The following ZSCAN30 variants were observed in gnomAD, a reference collection of about 807,000 sequenced individuals.
ZSCAN30 encodes zinc finger and SCAN domain containing 30, also known as zinc finger and SCAN domain-containing protein 30.
Under a neutral mutation model 44.3 loss-of-function variants are expected in ZSCAN30, and 37 were observed. The observed-to-expected ratio is 0.84, with a 90% confidence interval of 0.64 to 1.10. ZSCAN30 has a LOEUF of 1.10. Ranked by LOEUF, ZSCAN30 falls within the 50% of genes least tolerant of loss-of-function variation. The pLI is 0.00. For missense variants in ZSCAN30, 549 were observed against 582.6 expected, an observed-to-expected ratio of 0.94 and a Z score of 0.59; for synonymous variants, 181 against 204.6, an observed-to-expected ratio of 0.88 and a Z score of 0.98.
Position 35,283,729 on chromosome 18 carries a change from G to C in ZSCAN30, c.-104+6355C>G, listed in dbSNP as rs1312464327. 6 of 152,544 alleles carry C rather than the reference G, an allele frequency of 3.9e-5. No individual in the cohort carries two copies. In the East Asian group the frequency reaches 1.2e-3, roughly 29 times the overall value. 9.4% of individuals were successfully genotyped at this position (152,544 alleles called of 1,614,324 possible). A position where few individuals can be genotyped will look rare whatever the true frequency, so the allele number is the denominator to read the frequency against. On this transcript the variant is annotated intron_variant, in intron 1 of 3. Transcript: ENST00000333206. ...CTCCAGGAAATGCAGGGCCCCAACGGGAGTCACAATCCTGGCTCAGGGAGC... is the reference window on the plus strand; with the variant it reads ...CTCCAGGAAATGCAGGGCCCCAACGCGAGTCACAATCCTGGCTCAGGGAGC...
At position 35,253,877 on chromosome 18, in the gene ZSCAN30, C is replaced by T. The variant is rs763531067; in HGVS notation, c.1058G>A (p.Gly353Asp). 5 of 1,614,020 alleles carry T rather than the reference C, an allele frequency of 3.1e-6. No individual in the cohort carries two copies. The South Asian group carries it at 4.4e-5, about 14-fold the overall frequency. The change falls in exon 4 of 4, where the codon GGT becomes GAT. Residue 353 changes from glycine (G) to aspartate (D), a missense_variant. Physicochemically the swap from Gly to Asp is moderately conservative, Grantham distance 94. Coordinates refer to ENST00000333206, the MANE Select transcript of ZSCAN30 (RefSeq NM_001112734.4). ...DLVRHQRIHS[G>D]EKPYECCECG... ...TTCACAACATTCATAGGGTTTTTCA[C>T]CACTATGAATTCTCTGATGTCTAAC...
chr18:35,266,603 T>C (rs1301062359), intron 1 of ZSCAN30: 2 of 151,668 alleles, frequency 1.3e-5, no homozygotes, highest in Admixed American at 1.3e-4. Flanking sequence ...TGCCAGGTAT[T>C]AATAGATTTT....
intron 3 of ZSCAN30, chr18:35,261,249 T>G (rs866164980): frequency 6.6e-6 from 1 of 152,178 alleles, no homozygotes; most frequent in Non-Finnish European, 1.5e-5. Context: ...GTTTGGGTTA[T>G]AGTAGCCTTG....
At chr18:35,257,299 A>G (rs2043863729) in intron 3 of ZSCAN30, 1 of 152,546 alleles carries the variant, frequency 6.6e-6, no homozygotes, top group Admixed American at 6.5e-5. Flanking sequence ...CTTTACCAAT[A>G]TGATGCCTCC....
In ZSCAN30 at chr18:35,252,176, G is replaced by C. The variant is rs2143636283; in HGVS notation, c.*1274C>G. 2 of 152,272 alleles carry C rather than the reference G, an allele frequency of 1.3e-5. 1 individual carries two copies. The highest frequency in any genetic ancestry group is 4.1e-4 in the South Asian group (2 of 4,820). 9.4% of individuals were successfully genotyped at this position (152,272 alleles called of 1,614,324 possible). A position where few individuals can be genotyped will look rare whatever the true frequency, so the allele number is the denominator to read the frequency against. ...TCCTACTTATAATCACTGAGTTGGG[G>C]AGCCTATTCTAGACCCAGAATGACC... On this transcript the variant is annotated 3_prime_UTR_variant, in exon 4 of 4. Transcript: ENST00000333206.
chr18:35,256,395 A>G (rs940506948), intron 3 of ZSCAN30: 1 of 152,084 alleles, frequency 6.6e-6, no homozygotes, highest in Non-Finnish European at 1.5e-5. Context: ...CCCCATCTCT[A>G]CTAAAAGTAT....
At chr18:35,270,786 G>A (rs990144005) in intron 1 of ZSCAN30, among the ~76,000 whole-genome samples, 1 of 152,204 alleles carries the variant, frequency 6.6e-6, no homozygotes, top group African/African-American at 2.4e-5. Context: ...CAAGAATAAA[G>A]CCGCGGACCC....
At position 35,254,228 on chromosome 18, in the gene ZSCAN30, T is replaced by C; in HGVS notation, c.707A>G (p.Lys236Arg). ...CCCTGCAGCATTTCCCTTTTGCTTC[T>C]TAGAGTTGTCCAGACCTCCCAAAGC... Reference protein sequence around the residue: ...EEALGGLDNSKKQKGNAAGNK... With the variant: ...EEALGGLDNSRKQKGNAAGNK... Residue 236 changes from lysine to arginine, a missense_variant, in exon 4 of 4, where the codon AAG (lysine) becomes AGG (arginine). By Grantham distance (26) the Lys-to-Arg change is conservative. Transcript: ENST00000333206. The C allele has an allele frequency of 6.2e-7, 1 of 1,614,180 alleles. No individual in the cohort carries two copies. Among genetic ancestry groups the C allele is most frequent in the South Asian group, 1.1e-5 (1 of 91,086 alleles).
chr18:35,274,436 G>A (rs1356080724), intron 1 of ZSCAN30, among the ~76,000 whole-genome samples: 1 of 152,216 alleles, frequency 6.6e-6, no homozygotes, highest in South Asian at 2.1e-4. Context: ...TAGGTATTGA[G>A]ATTTTTCTGG....
At chr18:35,275,872 T>G (rs572223886) in intron 1 of ZSCAN30, among the ~76,000 whole-genome samples, 24 of 152,358 alleles carry the variant, frequency 1.6e-4, no homozygotes, top group African/African-American at 5.8e-4. Flanking sequence ...CTCATACTGG[T>G]TCTCTTCAAC....
In ZSCAN30 at chr18:35,264,231, G is replaced by C. The variant is rs140077066; in HGVS notation, c.122C>G (p.Pro41Arg). 4.1e-4 allele frequency: 663 copies of C among 1,614,168 alleles called. 2 individuals carry two copies. In the East Asian group the frequency reaches 0.013, roughly 32 times the overall value. Residue 41 changes from proline to arginine, a missense_variant, in exon 2 of 4, where the codon CCC becomes CGC. Coordinates refer to ENST00000333206, the MANE Select transcript of ZSCAN30 (RefSeq NM_001112734.4). ...LDQDFGLQEN[P>R]WSQEVFRQKF... ...CTGCCGGAATACCTCTTGGCTCCAGGGGTTTTCCTGAAGGCCAAAGTCCTG... is the reference window on the plus strand; with the variant it reads ...CTGCCGGAATACCTCTTGGCTCCAGCGGTTTTCCTGAAGGCCAAAGTCCTG...
intron 1 of ZSCAN30, among the ~76,000 whole-genome samples, chr18:35,280,460 T>C (rs1047326735): frequency 2.6e-5 from 4 of 152,018 alleles, no homozygotes; most frequent in Admixed American, 2.0e-4. Context: ...ATTTAACAGA[T>C]AAAGATTTTT....
At chr18:35,288,319 A>T (rs535855382) in intron 1 of ZSCAN30, among the ~76,000 whole-genome samples, 31 of 152,354 alleles carry the variant, frequency 2.0e-4, no homozygotes, top group African/African-American at 7.5e-4. Flanking sequence ...GCAAATTGAA[A>T]CCACAGTGAG....
Position 35,264,005 on chromosome 18 carries a change from T to C in ZSCAN30, c.348A>G (p.Gly116=), listed in dbSNP as rs1569071411. 2.5e-6 allele frequency: 4 copies of C among 1,614,208 alleles called. No homozygotes were observed. The highest frequency in any genetic ancestry group is 3.4e-6 in the Non-Finnish European group (4 of 1,180,034). ...CCTCCAGCATAGTCACAGCTTCCTCTCCATTCTCTGGCCGATGCTCTCGCA... is the reference window on the plus strand; with the variant it reads ...CCTCCAGCATAGTCACAGCTTCCTCCCCATTCTCTGGCCGATGCTCTCGCA... ...AWLREHRPEN[G]EEAVTMLEEL... is the part of the protein sequence containing the mutation. The change falls in exon 2 of 4, where the codon GGA becomes GGG. Residue 116 remains glycine, a synonymous_variant. Transcript: ENST00000333206.
At chr18:35,278,380 C>T (rs1442095878) in intron 1 of ZSCAN30, among the ~76,000 whole-genome samples, 1 of 152,212 alleles carries the variant, frequency 6.6e-6, no homozygotes. Flanking sequence ...TTCATCCTGT[C>T]TCTGTCCTCT....
Position 35,264,237 on chromosome 18 carries a change from T to A in ZSCAN30, c.116A>T (p.Glu39Val). Residue 39 changes from glutamate to valine, a missense_variant, in exon 2 of 4, where the codon GAA becomes GTA. Coordinates refer to ENST00000333206, the MANE Select transcript of ZSCAN30 (RefSeq NM_001112734.4). ...GAATACCTCTTGGCTCCAGGGGTTT[T>A]CCTGAAGGCCAAAGTCCTGGTCCAA... Reference protein sequence around the residue: ...YVLDQDFGLQENPWSQEVFRQ... With the variant: ...YVLDQDFGLQVNPWSQEVFRQ... The A allele has an allele frequency of 6.2e-7, 1 of 1,614,206 alleles. No homozygotes were observed. Among genetic ancestry groups the A allele is most frequent in the Non-Finnish European group, 8.5e-7 (1 of 1,180,036 alleles).
intron 1 of ZSCAN30, among the ~76,000 whole-genome samples, chr18:35,278,871 G>A (rs1156389278): frequency 2.0e-5 from 3 of 152,138 alleles, no homozygotes; most frequent in Non-Finnish European, 4.4e-5. Flanking sequence ...TTGTTCTCTA[G>A]TTTCTAATAC....
intron 1 of ZSCAN30, among the ~76,000 whole-genome samples, chr18:35,265,112 C>G (rs1220946156): frequency 6.6e-6 from 1 of 151,388 alleles, no homozygotes; most frequent in Admixed American, 6.6e-5. Context: ...CGCCACTGCA[C>G]TCCAGCCTGG....
chr18:35,289,603 A>T (rs1450266063), intron 1 of ZSCAN30: 1 of 151,798 alleles, frequency 6.6e-6, no homozygotes, highest in East Asian at 1.9e-4. Flanking sequence ...ATCCTTTCCT[A>T]CCCTGATTAC....
Sources: gnomAD v4.1 joint callset for allele counts (sites outside exome capture counted in the v4.1 genomes callset) on GRCh38, gnomAD v4.1.1 for gene constraint, MANE v1.5 for transcripts, NCBI Gene and HGNC (gene_info 2026-07-23, HGNC 2026-07-21) for gene names.